The following CLSTN2 variants were observed in gnomAD, a reference collection of about 807,000 sequenced individuals.
The protein encoded by CLSTN2 is calsyntenin-2.
Under a neutral mutation model 101.2 loss-of-function variants are expected in CLSTN2, and 48 were observed. The observed-to-expected ratio is 0.47, with a 90% confidence interval of 0.38 to 0.60. The LOEUF (loss-of-function observed/expected upper bound fraction) is 0.60, where lower values mean the gene tolerates loss of function less well. Ranked by LOEUF, CLSTN2 falls within the 20% of genes least tolerant of loss-of-function variation. CLSTN2 has a pLI of 0.00. For synonymous variants in CLSTN2, 481 were observed against 463.6 expected (o/e 1.04, Z -0.48); for missense variants, 1,160 against 1,238.2 (o/e 0.94, Z 0.95).
intron 2 of CLSTN2, among the ~76,000 whole-genome samples, chr3:140,320,760 A>G (rs1317413970): frequency 1.3e-5 from 2 of 152,172 alleles, no homozygotes; most frequent in Non-Finnish European, 2.9e-5. Flanking sequence ...GCCCTGAACC[A>G]TGTCAAAAGC....
chr3:140,271,944 C>G (rs2086745792), intron 2 of CLSTN2, among the ~76,000 whole-genome samples: 1 of 152,192 alleles, frequency 6.6e-6, no homozygotes, highest in Non-Finnish European at 1.5e-5. Flanking sequence ...GAAGTACAAA[C>G]AGAACCCAAT....
chr3:140,381,571 CATA>C (rs2087984399), intron 2 of CLSTN2, among the ~76,000 whole-genome samples: 1 of 152,190 alleles, frequency 6.6e-6, no homozygotes, highest in South Asian at 2.1e-4. Flanking sequence ...CTTGACTTAT[CATA>C]AATGTGAGTT....
At chr3:140,288,132 G>T (rs529833900) in intron 2 of CLSTN2, among the ~76,000 whole-genome samples, 142 of 150,832 alleles carry the variant, frequency 9.4e-4, no homozygotes, top group Middle Eastern at 3.4e-3. Flanking sequence ...GAAACCGGCG[G>T]GGGGGGTCAG....
chr3:140,016,360 G>GA (rs1307794587), intron 1 of CLSTN2, among the ~76,000 whole-genome samples: 1 of 152,180 alleles, frequency 6.6e-6, no homozygotes. Context: ...CAAAATTTTA[G>GA]AAAACATCTG....
chr3:140,526,465 A>G (rs1456910732), intron 8 of CLSTN2, among the ~76,000 whole-genome samples: 1 of 151,738 alleles, frequency 6.6e-6, no homozygotes, highest in Non-Finnish European at 1.5e-5. Flanking sequence ...GGAAGGATCA[A>G]TATCATTAAA....
chr3:139,987,243 C>T (rs906907047), intron 1 of CLSTN2, among the ~76,000 whole-genome samples: 1 of 152,216 alleles, frequency 6.6e-6, no homozygotes, highest in African/African-American at 2.4e-5. Flanking sequence ...CTTCTGGTTG[C>T]ATGATGCTTT....
chr3:140,521,285 C>G (rs1460455429), intron 8 of CLSTN2, among the ~76,000 whole-genome samples: 15 of 152,148 alleles, frequency 9.9e-5, no homozygotes. Context: ...TACCTTCGAT[C>G]TTTGAGGTTG....
chr3:139,994,790 C>T (rs1936173866), intron 1 of CLSTN2, among the ~76,000 whole-genome samples: 2 of 152,188 alleles, frequency 1.3e-5, no homozygotes, highest in African/African-American at 4.8e-5. Context: ...TGAGAATATA[C>T]TATGCCTCAT....
chr3:140,102,131 A>G (rs1177958662), intron 1 of CLSTN2, among the ~76,000 whole-genome samples: 1 of 152,224 alleles, frequency 6.6e-6, no homozygotes, highest in Non-Finnish European at 1.5e-5. Context: ...CTGGCTGGCA[A>G]ATGGGCTTCC....
intron 1 of CLSTN2, among the ~76,000 whole-genome samples, chr3:140,140,577 A>G (rs945463290): frequency 2.6e-5 from 4 of 152,168 alleles, no homozygotes; most frequent in Admixed American, 6.5e-5. Context: ...TGGGAATCAC[A>G]TTTCAACACG....
At chr3:140,328,337 A>G (rs1281866620) in intron 2 of CLSTN2, among the ~76,000 whole-genome samples, 1 of 152,204 alleles carries the variant, frequency 6.6e-6, no homozygotes, top group East Asian at 1.9e-4. Flanking sequence ...TTCAAAACCC[A>G]GGGCAGACTC....
Position 140,066,390 on chromosome 3 carries a change from G to T in CLSTN2, c.110-109561G>T, listed in dbSNP as rs886918432. 1.2e-4 allele frequency among the ~76,000 whole-genome samples: 18 copies of T among 152,294 alleles called. No individual in the cohort carries two copies. In the South Asian group the frequency reaches 2.3e-3, roughly 19 times the overall value. ...GGTGCCTGAAATTCTATTTATAGCT[G>T]CCAAACCCTTTGCTCCAGTATTAGA... On this transcript the variant is annotated intron_variant, in intron 1 of 16. Transcript: ENST00000458420.
chr3:140,224,417 G>C (rs1279232839), intron 2 of CLSTN2, among the ~76,000 whole-genome samples: 1 of 152,208 alleles, frequency 6.6e-6, no homozygotes, highest in Admixed American at 6.5e-5. Context: ...TTATTGAGTA[G>C]TTAATATGAG....
intron 2 of CLSTN2, among the ~76,000 whole-genome samples, chr3:140,284,607 T>G (rs1427806320): frequency 1.3e-5 from 2 of 152,256 alleles, no homozygotes; most frequent in East Asian, 3.9e-4. Context: ...GCCTATTTTC[T>G]GAGGAAAGAA....
chr3:140,558,192 C>T (rs72980135), intron 11 of CLSTN2, among the ~76,000 whole-genome samples: 5,937 of 152,284 alleles, frequency 0.039, 400 homozygotes, highest in African/African-American at 0.14. Flanking sequence ...AGAAAAGGCA[C>T]ACGTGTGTGA....
At position 140,190,957 on chromosome 3, in the gene CLSTN2, C is replaced by T. The variant is rs531869171; in HGVS notation, c.232+14884C>T. Among the ~76,000 whole-genome samples, 13 of 152,034 alleles carry T rather than the reference C, an allele frequency of 8.6e-5. No individual in the cohort carries two copies. In the East Asian group the frequency reaches 1.5e-3, roughly 18 times the overall value. On this transcript the variant is annotated intron_variant, in intron 2 of 16. Transcript: ENST00000458420. ...CTAGAACTTCCAGCATGATATTGAA[C>T]AGAGGTGATGAGAGAAGATATCCTT... is the stretch of plus-strand genomic sequence containing the variant.
chr3:139,939,940 C>T (rs1020887488), intron 1 of CLSTN2, among the ~76,000 whole-genome samples: 1 of 152,184 alleles, frequency 6.6e-6, no homozygotes, highest in East Asian at 1.9e-4. Context: ...CTCTTGGATT[C>T]TCTGGGCATC....
At chr3:140,320,407 G>A (rs964090770) in intron 2 of CLSTN2, among the ~76,000 whole-genome samples, 1 of 152,172 alleles carries the variant, frequency 6.6e-6, no homozygotes, top group Non-Finnish European at 1.5e-5. Flanking sequence ...AGAAGAGTGA[G>A]CGATAGGACT....
chr3:140,255,085 C>T (rs1049758473), intron 2 of CLSTN2, among the ~76,000 whole-genome samples: 1 of 152,068 alleles, frequency 6.6e-6, no homozygotes, highest in Non-Finnish European at 1.5e-5. Flanking sequence ...AAATATAAAT[C>T]AAAACCAGAA....
Sources: gnomAD v4.1 joint callset for allele counts (sites outside exome capture counted in the v4.1 genomes callset) on GRCh38, gnomAD v4.1.1 for gene constraint, MANE v1.5 for transcripts, NCBI Gene and HGNC (gene_info 2026-07-23, HGNC 2026-07-21) for gene names.